The following MAGI2 variants were observed in gnomAD, a reference collection of about 807,000 sequenced individuals.
The protein encoded by MAGI2 is membrane-associated guanylate kinase, WW and PDZ domain-containing protein 2.
MAGI2 carries 35 observed loss-of-function variants against 133.3 expected under a neutral mutation model. The observed-to-expected ratio is 0.26, with a 90% CI of 0.20 to 0.35. The LOEUF (loss-of-function observed/expected upper bound fraction) is 0.35. Among genes scored for constraint, MAGI2 ranks in the 10% least tolerant of loss-of-function variants. The probability of loss-of-function intolerance (pLI) is 1.00; values close to 1 mark genes in which losing one functional copy is unlikely to be tolerated. For missense variants in MAGI2, 1,636 were observed against 1,863.4 expected, an observed-to-expected ratio of 0.88 and a Z score of 2.25; for synonymous variants, 729 against 710.6, an observed-to-expected ratio of 1.03 and a Z score of -0.41.
chr7:78,719,187 A>G (rs1315362309), intron 2 of MAGI2, among the ~76,000 whole-genome samples: 1 of 151,382 alleles, frequency 6.6e-6, no homozygotes, highest in African/African-American at 2.4e-5. Flanking sequence ...GTTAAAGAAA[A>G]AGGTAAGAAT....
chr7:78,315,626 C>A (rs1464360844), intron 9 of MAGI2, among the ~76,000 whole-genome samples: 2 of 152,138 alleles, frequency 1.3e-5, no homozygotes, highest in Non-Finnish European at 2.9e-5. Context: ...AGAGTATTAT[C>A]ATTCTCAGCC....
At chr7:78,482,197 G>C (rs973569140) in intron 6 of MAGI2, among the ~76,000 whole-genome samples, 1 of 151,860 alleles carries the variant, frequency 6.6e-6, no homozygotes, top group East Asian at 1.9e-4. Flanking sequence ...CCAAAAAGCA[G>C]TATCTCTACA....
chr7:78,648,011 G>A (rs1338994834), intron 2 of MAGI2, among the ~76,000 whole-genome samples: 1 of 152,158 alleles, frequency 6.6e-6, no homozygotes, highest in Non-Finnish European at 1.5e-5. Flanking sequence ...TGGGGTGCTG[G>A]TGGAGGGGTA....
intron 1 of MAGI2, among the ~76,000 whole-genome samples, chr7:79,092,715 T>C (rs1433366528): frequency 6.6e-6 from 1 of 152,200 alleles, no homozygotes; most frequent in Non-Finnish European, 1.5e-5. Context: ...TTTGGCTTTG[T>C]ATACAAATTC....
chr7:79,057,485 A>G (rs2117039011), intron 1 of MAGI2, among the ~76,000 whole-genome samples: 1 of 152,364 alleles, frequency 6.6e-6, no homozygotes, highest in Admixed American at 6.5e-5. Flanking sequence ...TGTTTCTAAT[A>G]TGTAAGCTTA....
In MAGI2 at chr7:78,600,739, G is replaced by T. The variant is rs185563841; in HGVS notation, c.538+26381C>A. On this transcript the variant is annotated intron_variant, in intron 3 of 21. Transcript: ENST00000354212. ...TGATTACACACGAGGGGAGGTGTGT[G>T]TGTGTGTGGGTGCATGTATGGAAAG... Among the ~76,000 whole-genome samples the T allele has an allele frequency of 6.0e-4, 92 of 152,282 alleles. 1 individual carries two copies. The South Asian group carries it at 7.2e-3, about 12-fold the overall frequency.
At chr7:78,264,835 C>A (rs1454206379) in intron 9 of MAGI2, among the ~76,000 whole-genome samples, 2 of 151,756 alleles carry the variant, frequency 1.3e-5, no homozygotes, top group East Asian at 1.9e-4. Flanking sequence ...CTACTGAATT[C>A]ATATAAGGCA....
At chr7:78,339,798 A>G (rs1386963723) in intron 9 of MAGI2, among the ~76,000 whole-genome samples, 2 of 152,202 alleles carry the variant, frequency 1.3e-5, no homozygotes, top group African/African-American at 2.4e-5. Context: ...AAAATTATGT[A>G]CACATGACTT....
chr7:78,862,139 T>C (rs912785984), intron 2 of MAGI2, among the ~76,000 whole-genome samples: 41 of 152,378 alleles, frequency 2.7e-4, no homozygotes, highest in Middle Eastern at 3.4e-3. Flanking sequence ...TATTTGTTTC[T>C]ACTGATCCTG....
At chr7:79,289,008 C>A (rs910486418) in intron 1 of MAGI2, among the ~76,000 whole-genome samples, 9 of 152,060 alleles carry the variant, frequency 5.9e-5, no homozygotes, top group African/African-American at 2.2e-4. Flanking sequence ...CCAACTGAAA[C>A]TGGAATCAAA....
chr7:79,429,122 T>C (rs1847597547), intron 1 of MAGI2, among the ~76,000 whole-genome samples: 1 of 152,112 alleles, frequency 6.6e-6, no homozygotes, highest in Admixed American at 6.6e-5. Flanking sequence ...ATTTTTCCAT[T>C]CACAAAAGTA....
At chr7:78,973,380 A>C (rs1480840388) in intron 2 of MAGI2, among the ~76,000 whole-genome samples, 1 of 151,782 alleles carries the variant, frequency 6.6e-6, no homozygotes, top group Non-Finnish European at 1.5e-5. Flanking sequence ...CAAATGACAA[A>C]TATCACAGAG....
chr7:78,475,047 A>G (rs1332142805), intron 6 of MAGI2, among the ~76,000 whole-genome samples: 1 of 151,924 alleles, frequency 6.6e-6, no homozygotes, highest in African/African-American at 2.4e-5. Context: ...GAGTTCCCTC[A>G]GTACTTGGGA....
At chr7:79,207,128 A>C (rs1178586674) in intron 1 of MAGI2, among the ~76,000 whole-genome samples, 2 of 151,972 alleles carry the variant, frequency 1.3e-5, no homozygotes, top group Admixed American at 1.3e-4. Flanking sequence ...CAACAGGGAA[A>C]TGTTGAAAGC....
At chr7:78,665,978 A>G (rs1471045482) in intron 2 of MAGI2, among the ~76,000 whole-genome samples, 1 of 152,146 alleles carries the variant, frequency 6.6e-6, no homozygotes. Flanking sequence ...TGGGATAAGG[A>G]AACAAGGACA....
intron 2 of MAGI2, among the ~76,000 whole-genome samples, chr7:78,773,780 G>T (rs941300871): frequency 2.2e-4 from 33 of 152,164 alleles, no homozygotes; most frequent in African/African-American, 8.0e-4. Flanking sequence ...AACCTAAAGG[G>T]CTGCGAGTGA....
chr7:79,191,350 C>T (rs955346638), intron 1 of MAGI2, among the ~76,000 whole-genome samples: 2 of 147,906 alleles, frequency 1.4e-5, no homozygotes, highest in African/African-American at 5.0e-5. Flanking sequence ...AAGTATCTTG[C>T]AGCAATTTCA....
intron 3 of MAGI2, among the ~76,000 whole-genome samples, chr7:78,611,486 G>C (rs1249626034): frequency 1.3e-5 from 2 of 152,112 alleles, no homozygotes; most frequent in Non-Finnish European, 2.9e-5. Context: ...AAATAATTCT[G>C]ACATTCCCTA....
intron 2 of MAGI2, among the ~76,000 whole-genome samples, chr7:78,663,202 CTTTTTTT>C (rs35544274): frequency 5.5e-5 from 6 of 109,228 alleles, no homozygotes; most frequent in Non-Finnish European, 9.1e-5. Context: ...TGTACCAACT[CTTTTTTT>C]TTTTTTTTTT....
Sources: allele counts gnomAD v4.1 joint callset (sites outside exome capture counted in the v4.1 genomes callset), GRCh38; gene constraint gnomAD v4.1.1; transcripts MANE v1.5; gene names NCBI Gene and HGNC (gene_info 2026-07-23, HGNC 2026-07-21).